Variants in XYLT1 observed in about 807,000 individuals in gnomAD.
The protein encoded by XYLT1 is beta-D-xylosyltransferase 1.
A neutral mutation model predicts 91.3 loss-of-function variants in XYLT1; 36 were observed. That is an observed-to-expected ratio of 0.39 (90% CI 0.30 to 0.52). The LOEUF is 0.52. XYLT1 is among the 20% of genes least tolerant of loss of function. The pLI is 0.68. For synonymous variants in XYLT1, 588 were observed against 532.0 expected (o/e 1.11, Z -1.45); for missense variants, 1,242 against 1,284.5 (o/e 0.97, Z 0.51).
intron 1 of XYLT1, among the ~76,000 whole-genome samples, chr16:17,400,765 G>A (rs1321647834): frequency 1.3e-5 from 2 of 152,234 alleles, no homozygotes; most frequent in African/African-American, 4.8e-5. Context: ...AGCCACGAGT[G>A]AAAGAAACAA....
chr16:17,350,317 TG>T, intron 2 of XYLT1, among the ~76,000 whole-genome samples: 1 of 152,368 alleles, frequency 6.6e-6, no homozygotes, highest in Non-Finnish European at 1.5e-5. Context: ...GGCTGCACTT[TG>T]GGGAACTTGC....
intron 2 of XYLT1, among the ~76,000 whole-genome samples, chr16:17,311,572 C>G (rs1458101812): frequency 6.6e-6 from 1 of 152,126 alleles, no homozygotes. Flanking sequence ...GCTTAGTTTC[C>G]AGCCAGATCC....
intron 3 of XYLT1, among the ~76,000 whole-genome samples, chr16:17,247,174 CTCAT>C (rs1390961775): frequency 4.0e-5 from 6 of 151,870 alleles, no homozygotes; most frequent in Admixed American, 3.9e-4. Context: ...CACTCATTCA[CTCAT>C]TCATTCATTC....
At chr16:17,338,594 T>A (rs1475612025) in intron 2 of XYLT1, 1 of 432,650 alleles carries the variant, frequency 2.3e-6, no homozygotes, top group Admixed American at 2.5e-5. Context: ...TCGTGTCCCC[T>A]TATCCTGGTC....
Position 17,198,402 on chromosome 16 carries a change from G to A in XYLT1, c.1099C>T (p.Leu367=), listed in dbSNP as rs761423381. ...YIHVDKRSNY[L]HRQVLQVSRQ... is the part of the protein sequence containing the mutation. ...GAGACCTGGAGCACTTGCCGATGCAGGTAATTAGAGCGCTTTTCCCAGGAG... is the reference window on the plus strand; with the variant it reads ...GAGACCTGGAGCACTTGCCGATGCAAGTAATTAGAGCGCTTTTCCCAGGAG... The change falls in exon 5 of 12, where the codon CTG becomes TTG. Residue 367 remains leucine, a synonymous_variant. Coordinates refer to ENST00000261381, the MANE Select transcript of XYLT1 (RefSeq NM_022166.4). The A allele has an allele frequency of 6.2e-7, 1 of 1,614,026 alleles. No individual in the cohort carries two copies. Among genetic ancestry groups the A allele is most frequent in the African/African-American group, 1.3e-5 (1 of 74,934 alleles).
At chr16:17,236,596 GTCTCATAGTGCCGGAGGCTGGA>G (rs1474642247) in intron 3 of XYLT1, among the ~76,000 whole-genome samples, 1 of 152,210 alleles carries the variant, frequency 6.6e-6, no homozygotes, top group African/African-American at 2.4e-5. Flanking sequence ...GAAACTTACT[GTCTCATAGTGCCGGAGGCTGGA>G]GGTCCAAGAT....
chr16:17,109,283 C>G (rs553595317), intron 11 of XYLT1, among the ~76,000 whole-genome samples: 1 of 152,318 alleles, frequency 6.6e-6, no homozygotes, highest in Admixed American at 6.5e-5. Context: ...ATAGTGCAGA[C>G]ACTGATTCAG....
intron 2 of XYLT1, among the ~76,000 whole-genome samples, chr16:17,353,380 C>G (rs2035247207): frequency 6.6e-6 from 1 of 152,038 alleles, no homozygotes; most frequent in Non-Finnish European, 1.5e-5. Flanking sequence ...GGCAGAGACA[C>G]TAGAATTAAA....
rs374761789 is a variant in XYLT1 at position 17,259,544 on chromosome 16, T to C, written c.403-46A>G. 1.0e-5 allele frequency: 16 copies of C among 1,586,894 alleles called. No individual in the cohort carries two copies. The African/African-American group carries it at 1.9e-4, about 19-fold the overall frequency. ...ACAGAAGAGAAACTTGACTGAGAGATCATGCTAAGCAGACTGGCCTTTGAA... is the reference window on the plus strand; with the variant it reads ...ACAGAAGAGAAACTTGACTGAGAGACCATGCTAAGCAGACTGGCCTTTGAA... On this transcript the variant is annotated intron_variant, in intron 2 of 11. Coordinates refer to ENST00000261381, the MANE Select transcript of XYLT1 (RefSeq NM_022166.4).
Position 17,160,434 on chromosome 16 carries a change from A to C in XYLT1, c.1290-1525T>G, listed in dbSNP as rs146385981. On this transcript the variant is annotated intron_variant, in intron 5 of 11. Coordinates refer to ENST00000261381, the MANE Select transcript of XYLT1 (RefSeq NM_022166.4). ...CAAGCCCCTGTTCTCTCATTGGATG[A>C]CTCATGTTGACCAACTCATAATTCC... Among the ~76,000 whole-genome samples, 591 of 152,190 alleles carry C rather than the reference A, an allele frequency of 3.9e-3. 2 individuals carry two copies. Among genetic ancestry groups the C allele is most frequent in the African/African-American group, 0.014 (568 of 41,500 alleles).
At chr16:17,459,648 G>A (rs2036789211) in intron 1 of XYLT1, among the ~76,000 whole-genome samples, 3 of 152,128 alleles carry the variant, frequency 2.0e-5, no homozygotes, top group Admixed American at 6.5e-5. Context: ...TTTTCGTTCA[G>A]CTCCCTAATG....
intron 1 of XYLT1, among the ~76,000 whole-genome samples, chr16:17,466,974 G>A (rs1026433086): frequency 6.6e-6 from 1 of 152,046 alleles, no homozygotes; most frequent in African/African-American, 2.4e-5. Flanking sequence ...ATACCTCCAA[G>A]GCTGTTAGAA....
intron 3 of XYLT1, among the ~76,000 whole-genome samples, chr16:17,253,805 T>C (rs1005200915): frequency 6.8e-6 from 1 of 147,846 alleles, no homozygotes; most frequent in Non-Finnish European, 1.5e-5. Context: ...ATGCCCTGCC[T>C]TCTTCTCCCT....
chr16:17,338,654 C>T, intron 2 of XYLT1: 2 of 374,616 alleles, frequency 5.3e-6, no homozygotes, highest in South Asian at 4.0e-5. Flanking sequence ...GAGTCTCGCT[C>T]TGTTGCCCAG....
At position 17,305,117 on chromosome 16, in the gene XYLT1, A is replaced by C. The variant is rs571492991; in HGVS notation, c.403-45619T>G. Among the ~76,000 whole-genome samples, 129 of 152,250 alleles carry C rather than the reference A, an allele frequency of 8.5e-4. 1 individual carries two copies. The highest frequency in any genetic ancestry group is 2.8e-3 in the African/African-American group (115 of 41,550). ...GCATCATCTCCCTATTGTACAAAGG[A>C]GGCGACAGAGGTTCAGCAAAGTGCT... On this transcript the variant is annotated intron_variant, in intron 2 of 11. Coordinates refer to ENST00000261381, the MANE Select transcript of XYLT1 (RefSeq NM_022166.4).
At chr16:17,170,906 G>T (rs1442683796) in intron 5 of XYLT1, among the ~76,000 whole-genome samples, 1 of 152,194 alleles carries the variant, frequency 6.6e-6, no homozygotes, top group Non-Finnish European at 1.5e-5. Context: ...TATTGGCTGT[G>T]TGGCCTTGGG....
chr16:17,226,854 T>C (rs2033075200), intron 3 of XYLT1, among the ~76,000 whole-genome samples: 2 of 152,210 alleles, frequency 1.3e-5, no homozygotes, highest in Non-Finnish European at 2.9e-5. Context: ...TAGATAGACC[T>C]GGGTCCATCA....
chr16:17,256,040 A>G (rs2033625155), intron 3 of XYLT1, among the ~76,000 whole-genome samples: 1 of 152,150 alleles, frequency 6.6e-6, no homozygotes, highest in Non-Finnish European at 1.5e-5. Context: ...GATAGAAAAC[A>G]AAAGTATTGC....
Position 17,315,468 on chromosome 16 carries a change from G to C in XYLT1, c.402+42544C>G, listed in dbSNP as rs534649330. Among the ~76,000 whole-genome samples, 5 of 152,244 alleles carry C rather than the reference G, an allele frequency of 3.3e-5. No homozygotes were observed. In the South Asian group the frequency reaches 8.3e-4, roughly 25 times the overall value. ...CTCGCTCCCCTAACTCTCAATTCTA[G>C]AATCTTCTGCTTCTATCTCAGCACT... is the stretch of plus-strand genomic sequence containing the variant. On this transcript the variant is annotated intron_variant, in intron 2 of 11. Transcript: ENST00000261381.
Sources: gnomAD v4.1 joint callset for allele counts (sites outside exome capture counted in the v4.1 genomes callset) on GRCh38, gnomAD v4.1.1 for gene constraint, MANE v1.5 for transcripts, NCBI Gene and HGNC (gene_info 2026-07-23, HGNC 2026-07-21) for gene names.